KIF3B: variants seen among roughly 807,000 people sequenced by gnomAD.
The protein encoded by KIF3B is kinesin-like protein KIF3B.
KIF3B carries 38 observed loss-of-function variants against 74.3 expected under a neutral mutation model. The ratio of observed to expected loss-of-function variants is 0.51; its 90% CI spans 0.39 to 0.67. KIF3B has a LOEUF of 0.67. KIF3B is among the 30% of genes least tolerant of loss of function. The pLI is 0.00. For missense variants in KIF3B, 649 were observed against 932.0 expected (o/e 0.70, Z 3.95); for synonymous variants, 326 against 342.5 (o/e 0.95, Z 0.53).
rs755658567 is a variant in KIF3B at position 32,310,630 on chromosome 20, G to A, written c.853G>A (p.Gly285Ser). The part of the protein sequence containing the change: ...LGNVISALVD[G>S]KSTHIPYRDS... ...TAATGTCATCTCTGCTCTAGTGGACGGCAAAAGCACTCACATTCCATATCG... is the reference window on the plus strand; with the variant it reads ...TAATGTCATCTCTGCTCTAGTGGACAGCAAAAGCACTCACATTCCATATCG... The change falls in exon 2 of 9, where the codon GGC becomes AGC. Residue 285 changes from glycine (G) to serine (S), a missense_variant. Transcript: ENST00000375712. The surrounding 1 kb of genome is among the most constrained non-coding windows in gnomAD (Gnocchi z 6.5). 5 of 1,613,996 alleles carry A rather than the reference G, an allele frequency of 3.1e-6. No individual in the cohort carries two copies. The highest frequency in any genetic ancestry group is 2.2e-5 in the South Asian group (2 of 91,074).
chr20:32,312,292 A>G (rs1002347330), intron 2 of KIF3B, among the ~76,000 whole-genome samples: 12 of 151,576 alleles, frequency 7.9e-5, no homozygotes, highest in African/African-American at 2.9e-4. Context: ...TTTTGTAGAG[A>G]CATGGTCTCA....
intron 1 of KIF3B, among the ~76,000 whole-genome samples, chr20:32,301,425 T>TGG (rs2047743536): frequency 6.6e-6 from 1 of 151,930 alleles, no homozygotes; most frequent in Non-Finnish European, 1.5e-5. Context: ...TCAACTAGGC[T>TGG]GGAGTGTAAT....
At chr20:32,283,409 C>T (rs1056179770) in intron 1 of KIF3B, among the ~76,000 whole-genome samples, 5 of 151,762 alleles carry the variant, frequency 3.3e-5, no homozygotes, top group African/African-American at 1.2e-4. Context: ...GAGGCTGAGG[C>T]AGGAGAATCG....
At chr20:32,326,713 A>G (rs2047905270) in intron 5 of KIF3B, 58 bp from the exon 6 acceptor site, 2 of 737,500 alleles carry the variant, frequency 2.7e-6, no homozygotes, top group Admixed American at 4.7e-5. Context: ...GAGACCAGAT[A>G]GCTGACACTT....
chr20:32,311,064 A>G lies in KIF3B; in HGVS notation c.1287A>G (p.Val429=), dbSNP rs1178130694. The G allele has an allele frequency of 6.2e-7, 1 of 1,613,808 alleles. No individual in the cohort carries two copies. The highest frequency in any genetic ancestry group is 8.5e-7 in the Non-Finnish European group (1 of 1,179,926). The stretch of plus-strand genomic sequence containing the variant: ...TGGAGATTGAGAAGCGGGCCATTGT[A>G]GAGGATCACAGCTTGGTTGCAGAGG... ...EKLEIEKRAI[V]EDHSLVAEEK... Residue 429 remains valine, a synonymous_variant, in exon 2 of 9, where the codon GTA becomes GTG. Coordinates refer to ENST00000375712, the MANE Select transcript of KIF3B (RefSeq NM_004798.4).
intron 1 of KIF3B, among the ~76,000 whole-genome samples, chr20:32,305,959 G>A (rs1228299342): frequency 6.6e-6 from 1 of 151,576 alleles, no homozygotes; most frequent in African/African-American, 2.4e-5. Flanking sequence ...GGTGGCAGGT[G>A]CCTGTAATCC....
At chr20:32,322,648 A>T (rs74183487) in intron 5 of KIF3B, among the ~76,000 whole-genome samples, 981 of 77,732 alleles carry the variant, frequency 0.013, 26 homozygotes, top group African/African-American at 0.023. Context: ...TTATATATAT[A>T]TTTTTATATA....
intron 1 of KIF3B, among the ~76,000 whole-genome samples, chr20:32,278,229 G>T (rs2047625800): frequency 6.6e-6 from 1 of 152,130 alleles, no homozygotes; most frequent in Admixed American, 6.6e-5. Context: ...GGGAGAGGGA[G>T]AATTCTTAGG....
At chr20:32,327,711 T>A in intron 7 of KIF3B, 50 bp downstream of exon 7, 1 of 1,411,224 alleles carries the variant, frequency 7.1e-7, no homozygotes, top group Non-Finnish European at 1.0e-6. Context: ...GGAGTCTAGA[T>A]TTGTGTAAGC....
In KIF3B at chr20:32,301,173, C is replaced by T. The variant is rs189849853; in HGVS notation, c.-65-8540C>T. 2.1e-4 allele frequency among the ~76,000 whole-genome samples: 31 copies of T among 150,384 alleles called. No homozygotes were observed. In the East Asian group the frequency reaches 5.7e-3, roughly 27 times the overall value. ...CGCAATCTCGGCTCACTGCAGCCTC[C>T]ACCTCCTGGATTCAAGCAATTCTCC... is the stretch of plus-strand genomic sequence containing the variant. On this transcript the variant is annotated intron_variant, in intron 1 of 8. Coordinates refer to ENST00000375712, the MANE Select transcript of KIF3B (RefSeq NM_004798.4).
chr20:32,329,264 A>T (rs1190320930), intron 7 of KIF3B, among the ~76,000 whole-genome samples: 1 of 152,058 alleles, frequency 6.6e-6, no homozygotes, highest in Non-Finnish European at 1.5e-5. Context: ...GCTGCTCTCG[A>T]ACTCCTGACC....
intron 5 of KIF3B, among the ~76,000 whole-genome samples, chr20:32,324,364 TGAAGG>T: frequency 6.6e-6 from 1 of 152,276 alleles, no homozygotes; most frequent in South Asian, 2.1e-4. Flanking sequence ...CAGAATTACC[TGAAGG>T]GATTGTTAAA....
Position 32,310,045 on chromosome 20 carries a change from G to A in KIF3B, c.268G>A (p.Gly90Arg), listed in dbSNP as rs1433838281. The A allele has an allele frequency of 6.2e-7, 1 of 1,613,986 alleles. No individual in the cohort carries two copies. The highest frequency in any genetic ancestry group is 8.5e-7 in the Non-Finnish European group (1 of 1,180,014). Residue 90 changes from glycine to arginine, a missense_variant, in exon 2 of 9, where the codon GGA (glycine) becomes AGA (arginine). This residue lies in a region of KIF3B where 96 missense variants were observed against 119.0 expected (regional missense o/e 0.81). Coordinates refer to ENST00000375712, the MANE Select transcript of KIF3B (RefSeq NM_004798.4). The surrounding 1 kb of genome is among the most constrained non-coding windows in gnomAD (Gnocchi z 6.5). The stretch of plus-strand genomic sequence containing the variant: ...TGACTCTGTCCTGCAAGGTTTCAAT[G>A]GAACCATTTTTGCCTATGGACAAAC... Reference protein sequence around the residue: ...LVDSVLQGFNGTIFAYGQTGT... With the variant: ...LVDSVLQGFNRTIFAYGQTGT...
At chr20:32,311,242 C>A in intron 2 of KIF3B, 61 bp downstream of exon 2, 2 of 1,471,922 alleles carry the variant, frequency 1.4e-6, no homozygotes, top group Admixed American at 2.7e-5. Flanking sequence ...TTTCATCAAA[C>A]AACAACAAAA....
chr20:32,293,101 A>G (rs910478952), intron 1 of KIF3B, among the ~76,000 whole-genome samples: 1 of 152,082 alleles, frequency 6.6e-6, no homozygotes, highest in African/African-American at 2.4e-5. Flanking sequence ...CAAAAAATAA[A>G]AAATTAGTTG....
rs2047945128 is a variant in KIF3B, at chr20:32,334,291, A to C, written c.*2972A>C. On this transcript the variant is annotated 3_prime_UTR_variant, in exon 9 of 9. Coordinates refer to ENST00000375712, the MANE Select transcript of KIF3B (RefSeq NM_004798.4). ...AGGCCACAAATCATAGGCATGAAGC[A>C]CTTTCTTAAGACTGACCTAACGCTG... 6.5e-6 allele frequency: 1 copy of C among 152,690 alleles called. No individual in the cohort carries two copies. Among genetic ancestry groups the C allele is most frequent in the Non-Finnish European group, 1.5e-5 (1 of 68,144 alleles). The allele number at this position is 152,690 out of a possible 1,614,324, so 9.5% of individuals were successfully genotyped here.
intron 5 of KIF3B, among the ~76,000 whole-genome samples, chr20:32,318,361 A>G (rs1569205039): frequency 6.6e-6 from 1 of 152,112 alleles, no homozygotes; most frequent in Non-Finnish European, 1.5e-5. Flanking sequence ...TTAAAAGCAT[A>G]TATATGCATA....
intron 5 of KIF3B, among the ~76,000 whole-genome samples, chr20:32,317,795 G>A (rs1320429617): frequency 6.6e-6 from 1 of 151,772 alleles, no homozygotes; most frequent in East Asian, 1.9e-4. Flanking sequence ...GTGCCACTAT[G>A]CCCAGCTAAT....
chr20:32,298,761 T>C (rs1043649585), intron 1 of KIF3B, among the ~76,000 whole-genome samples: 1 of 148,994 alleles, frequency 6.7e-6, no homozygotes, highest in African/African-American at 2.4e-5. Context: ...CTCCACCTCC[T>C]GGGCTCAAGT....
Sources: gnomAD v4.1 joint callset for allele counts (sites outside exome capture counted in the v4.1 genomes callset) on GRCh38, gnomAD v4.1.1 for gene constraint, gnomAD v4.1.1 regional missense constraint, Gnocchi (gnomAD v3.1) non-coding constraint, MANE v1.5 for transcripts, NCBI Gene and HGNC (gene_info 2026-07-23, HGNC 2026-07-21) for gene names.